The following ACAP1 variants were observed in gnomAD, a reference collection of about 807,000 sequenced individuals.
The protein encoded by ACAP1 is arf-GAP with coiled-coil, ANK repeat and PH domain-containing protein 1.
Under a neutral mutation model 98.8 loss-of-function variants are expected in ACAP1, and 45 were observed. That is an observed-to-expected ratio of 0.46 (90% CI 0.36 to 0.58). The LOEUF is 0.58. ACAP1 is among the 20% of genes least tolerant of loss of function. The pLI, the probability that ACAP1 is intolerant of heterozygous loss-of-function variation, is 0.00. For missense variants in ACAP1, 735 were observed against 971.4 expected (o/e 0.76, Z 3.24); for synonymous variants, 362 against 375.3 (o/e 0.96, Z 0.41).
chr17:7,350,166 G>A lies in ACAP1; in HGVS notation c.2001G>A (p.Gly667=), dbSNP rs2073389344. The A allele has an allele frequency of 6.2e-7, 1 of 1,614,100 alleles. No individual in the cohort carries two copies. The highest frequency in any genetic ancestry group is 1.3e-5 in the African/African-American group (1 of 74,934). The change falls in exon 20 of 22, where the codon GGG becomes GGA. Residue 667 remains glycine, a synonymous_variant. Transcript: ENST00000158762. This position sits in a 1 kb window ranked among gnomAD's most constrained non-coding sequence, Gnocchi z 4.6. Reference sequence around the variant, plus strand: ...TCCTGAAACGGGGAGCTGATCTGGGGGCTCGAGACTCTGAAGGCAGGGACC... The same window carrying A: ...TCCTGAAACGGGGAGCTGATCTGGGAGCTCGAGACTCTGAAGGCAGGGACC... ...CLFLKRGADL[G]ARDSEGRDPL...
Position 7,347,249 on chromosome 17 carries a change from C to A in ACAP1, c.1343+7C>A. 1 of 1,606,556 alleles carries A rather than the reference C, an allele frequency of 6.2e-7. No homozygotes were observed. On this transcript the variant is annotated splice_region_variant and intron_variant, in intron 14 of 21. Coordinates refer to ENST00000158762, the MANE Select transcript of ACAP1 (RefSeq NM_014716.4). The stretch of plus-strand genomic sequence containing the variant: ...AGTGTTCCGGCATCCACAGGTTACT[C>A]CACAAGGCCCATGCGGGAGCCCCAC...
chr17:7,340,636 G>A (rs1187512540), intron 2 of ACAP1, among the ~76,000 whole-genome samples: 1 of 152,164 alleles, frequency 6.6e-6, no homozygotes, highest in African/African-American at 2.4e-5. Flanking sequence ...CCTGAAGTCA[G>A]GAGTTCGAGA....
chr17:7,338,610 G>C (rs372963414), intron 2 of ACAP1, among the ~76,000 whole-genome samples: 1 of 151,982 alleles, frequency 6.6e-6, no homozygotes, highest in African/African-American at 2.4e-5. Context: ...GGCCACAGCT[G>C]TGATCCCAGA....
chr17:7,348,856 T>A (rs1567631737), intron 17 of ACAP1, 139 bp from the exon 18 acceptor site: 6 of 786,934 alleles, frequency 7.6e-6, no homozygotes, highest in Non-Finnish European at 1.2e-5. Context: ...CACACTTGCA[T>A]CACTCTATTC....
chr17:7,339,476 G>A (rs529887718), intron 2 of ACAP1, among the ~76,000 whole-genome samples: 4 of 151,968 alleles, frequency 2.6e-5, no homozygotes, highest in Non-Finnish European at 5.9e-5. Context: ...CAGGCGTGGT[G>A]GCACGCACCT....
At chr17:7,341,808 T>C in intron 2 of ACAP1, 140 bp from the exon 3 acceptor site, 1 of 1,201,888 alleles carries the variant, frequency 8.3e-7, no homozygotes, top group Non-Finnish European at 1.2e-6. Context: ...GAGAGCTGGA[T>C]GAGCCTGGAG....
rs530091828 is a variant in ACAP1, at chr17:7,342,938, G to A, written c.345-441G>A. The A allele has an allele frequency of 1.8e-3, 385 of 215,140 alleles. 1 individual carries two copies. Among genetic ancestry groups the A allele is most frequent in the Non-Finnish European group, 2.9e-3 (309 of 107,894 alleles). The allele number at this position is 215,140 out of a possible 1,614,324, so 13.3% of individuals were successfully genotyped here. ...AAAAAAAAAAAAAAAAAAAATAGCC[G>A]GGCGTGGTGGCACATGTCTGTTGTC... On this transcript the variant is annotated intron_variant, in intron 5 of 21. Coordinates refer to ENST00000158762, the MANE Select transcript of ACAP1 (RefSeq NM_014716.4).
At position 7,343,216 on chromosome 17, in the gene ACAP1, T is replaced by G; in HGVS notation, c.345-163T>G. 1.0e-4 allele frequency: 67 copies of G among 639,882 alleles called. No homozygotes were observed. Among genetic ancestry groups the G allele is most frequent in the Non-Finnish European group, 1.6e-4 (61 of 388,712 alleles). 39.6% of individuals were successfully genotyped at this position (639,882 alleles called of 1,614,324 possible). A position where few individuals can be genotyped will look rare whatever the true frequency, so the allele number is the denominator to read the frequency against. The stretch of plus-strand genomic sequence containing the variant: ...AGGAGCCTCCCCAGTGACGGAGTTG[T>G]GAGATTGGGGGTTTCTGGTGTCCTG... On this transcript the variant is annotated intron_variant, in intron 5 of 21. Coordinates refer to ENST00000158762, the MANE Select transcript of ACAP1 (RefSeq NM_014716.4). This position sits in a 1 kb window ranked among gnomAD's most constrained non-coding sequence, Gnocchi z 4.9.
rs1384988329 is a variant in ACAP1, at chr17:7,350,399, C to A, written c.2072+162C>A. ...CCGGGGCCAGGCTCGAGAAAGGCTGCGCGAAGTGTGCACTGGGACGTGGAG... is the reference window on the plus strand; with the variant it reads ...CCGGGGCCAGGCTCGAGAAAGGCTGAGCGAAGTGTGCACTGGGACGTGGAG... On this transcript the variant is annotated intron_variant, in intron 20 of 21. Transcript: ENST00000158762. This position sits in a 1 kb window ranked among gnomAD's most constrained non-coding sequence, Gnocchi z 4.6. The A allele has an allele frequency of 1.6e-6, 1 of 612,462 alleles. No homozygotes were observed. The allele number at this position is 612,462 out of a possible 1,614,324, so 37.9% of individuals were successfully genotyped here.
At position 7,344,542 on chromosome 17, in the gene ACAP1, C is replaced by G. The variant is rs2073328670; in HGVS notation, c.748C>G (p.Leu250Val). Residue 250 changes from leucine (L) to valine (V), a missense_variant, in exon 10 of 22, where the codon CTG (leucine) becomes GTG (valine). Leu to Val is a conservative substitution (Grantham distance 32, BLOSUM62 1). Around this residue, in one of 5 missense-constraint regions of ACAP1, gnomAD observed 430 missense variants for 531.8 expected, o/e 0.81. Coordinates refer to ENST00000158762, the MANE Select transcript of ACAP1 (RefSeq NM_014716.4). The surrounding 1 kb of genome is among the most constrained non-coding windows in gnomAD (Gnocchi z 4.9). Reference sequence around the variant, plus strand: ...TTTGATCCTCTTGTGCCTCCAGGAGCTGGGTGGGGAGGAGCCAGAACCAAG... The same window carrying G: ...TTTGATCCTCTTGTGCCTCCAGGAGGTGGGTGGGGAGGAGCCAGAACCAAG... ...QRHVLLKQKE[L>V]GGEEPEPSLR... The G allele has an allele frequency of 6.4e-7, 1 of 1,550,800 alleles. No homozygotes were observed. The highest frequency in any genetic ancestry group is 1.4e-5 in the African/African-American group (1 of 73,128).
chr17:7,341,358 T>C (rs192602916), intron 2 of ACAP1, among the ~76,000 whole-genome samples: 4 of 152,188 alleles, frequency 2.6e-5, no homozygotes, highest in South Asian at 2.1e-4. Context: ...CCTCCTGCCT[T>C]AGCCTCCCAA....
intron 13 of ACAP1, 30 bp downstream of exon 13, chr17:7,346,961 C>A (rs201367511): frequency 6.3e-6 from 10 of 1,594,744 alleles, no homozygotes; most frequent in Non-Finnish European, 8.6e-6. Flanking sequence ...CGGAGCCAGG[C>A]TGCCTGTGGA....
At position 7,336,569 on chromosome 17, in the gene ACAP1, C is replaced by T. The variant is rs894328131; in HGVS notation, c.-166C>T. ...TGTGGGGTGAGAGCTCCTCCTAGGA[C>T]ACCCCTTTCCCCTTGGGGAAAGAAT... On this transcript the variant is annotated 5_prime_UTR_variant, in exon 1 of 22. Coordinates refer to ENST00000158762, the MANE Select transcript of ACAP1 (RefSeq NM_014716.4). 3.7e-5 allele frequency: 25 copies of T among 684,686 alleles called. No individual in the cohort carries two copies. The highest frequency in any genetic ancestry group is 5.1e-5 in the Non-Finnish European group (20 of 389,920). The allele number at this position is 684,686 out of a possible 1,614,324, so 42.4% of individuals were successfully genotyped here.
rs1323694316 is a variant in ACAP1 at position 7,350,874 on chromosome 17, T to A, written c.2073-76T>A. On this transcript the variant is annotated intron_variant, in intron 20 of 21. Transcript: ENST00000158762. This position sits in a 1 kb window ranked among gnomAD's most constrained non-coding sequence, Gnocchi z 4.6. The stretch of plus-strand genomic sequence containing the variant: ...ATCCGCCTGCCTCGGCCTCCCAAAG[T>A]GTTGGGATTACAGGCGTGAGCCACC... 1 of 1,439,974 alleles carries A rather than the reference T, an allele frequency of 6.9e-7. No individual in the cohort carries two copies. The highest frequency in any genetic ancestry group is 1.1e-5 in the South Asian group (1 of 87,120). The allele number at this position is 1,439,974 out of a possible 1,614,324, so 89.2% of individuals were successfully genotyped here.
intron 17 of ACAP1, 51 bp downstream of exon 17, chr17:7,348,526 G>A (rs1014043567): frequency 1.3e-5 from 19 of 1,438,038 alleles, no homozygotes; most frequent in South Asian, 6.2e-5. Context: ...GCTCGGCATC[G>A]TGCCAGGTAG....
Position 7,342,336 on chromosome 17 carries a change from G to C in ACAP1, c.285+8G>C. 1 of 1,614,162 alleles carries C rather than the reference G, an allele frequency of 6.2e-7. No individual in the cohort carries two copies. The highest frequency in any genetic ancestry group is 8.5e-7 in the Non-Finnish European group (1 of 1,180,012). On this transcript the variant is annotated splice_region_variant and intron_variant, in intron 4 of 21. Coordinates refer to ENST00000158762, the MANE Select transcript of ACAP1 (RefSeq NM_014716.4). ...AAGCTGGACAGCCATGCGGTAAGTA[G>C]GGGAAGGTAAGGATTGTCGGGGTGG...
intron 2 of ACAP1, among the ~76,000 whole-genome samples, chr17:7,337,675 G>C (rs768560429): frequency 1.3e-5 from 2 of 152,004 alleles, no homozygotes; most frequent in Non-Finnish European, 2.9e-5. Flanking sequence ...CTAACATGGC[G>C]AAACCCCATC....
Position 7,346,934 on chromosome 17 carries a change from A to G in ACAP1, c.1131+3A>G. The G allele has an allele frequency of 6.2e-7, 1 of 1,608,650 alleles. No homozygotes were observed. Among genetic ancestry groups the G allele is most frequent in the Non-Finnish European group, 8.5e-7 (1 of 1,176,156 alleles). On this transcript the variant is annotated splice_donor_region_variant and intron_variant, in intron 13 of 21. Transcript: ENST00000158762. ...ACAGCCCCCGGGGTCCAGGCCAGGT[A>G]CCTTAACCTGGGGGTGCGGAGCCAG...
chr17:7,346,788 T>C lies in ACAP1; in HGVS notation c.1008-20T>C. On this transcript the variant is annotated intron_variant, in intron 12 of 21. Coordinates refer to ENST00000158762, the MANE Select transcript of ACAP1 (RefSeq NM_014716.4). ...CCAGGCCTCAGACCCCTCTGCCATC[T>C]CCCTCACCCTCCTACCTAGGTCCTG... is the stretch of plus-strand genomic sequence containing the variant. 1 of 1,603,164 alleles carries C rather than the reference T, an allele frequency of 6.2e-7. No homozygotes were observed. Among genetic ancestry groups the C allele is most frequent in the Admixed American group, 1.7e-5 (1 of 58,658 alleles).
Sources: gnomAD v4.1 joint callset for allele counts (sites outside exome capture counted in the v4.1 genomes callset) on GRCh38, gnomAD v4.1.1 for gene constraint, gnomAD v4.1.1 regional missense constraint, Gnocchi (gnomAD v3.1) non-coding constraint, MANE v1.5 for transcripts, NCBI Gene and HGNC (gene_info 2026-07-23, HGNC 2026-07-21) for gene names.